ANKRD12: variants seen among roughly 807,000 people sequenced by gnomAD.
The protein encoded by ANKRD12 is ankyrin repeat domain 12.
A neutral mutation model predicts 183.4 loss-of-function variants in ANKRD12; 85 were observed. The ratio of observed to expected loss-of-function variants is 0.46; its 90% confidence interval spans 0.39 to 0.56. ANKRD12 has a LOEUF of 0.56. Among genes scored for constraint, ANKRD12 ranks in the 20% least tolerant of loss-of-function variants. The pLI, the probability that ANKRD12 is intolerant of heterozygous loss-of-function variation, is 0.00. For missense variants in ANKRD12, 2,405 were observed against 2,357.1 expected (o/e 1.02, Z -0.42); for synonymous variants, 914 against 800.2 (o/e 1.14, Z -2.40).
intron 6 of ANKRD12, among the ~76,000 whole-genome samples, chr18:9,213,440 G>A (rs2035917042): frequency 6.6e-6 from 1 of 151,888 alleles, no homozygotes; most frequent in South Asian, 2.1e-4. Context: ...TTAGTTGTAA[G>A]GATACTTGTT....
chr18:9,242,940 T>C (rs933072746), intron 8 of ANKRD12, among the ~76,000 whole-genome samples: 1 of 152,206 alleles, frequency 6.6e-6, no homozygotes, highest in African/African-American at 2.4e-5. Flanking sequence ...ATGACTTCTT[T>C]TGTAAAGTAG....
At position 9,258,427 on chromosome 18, in the gene ANKRD12, A is replaced by C; in HGVS notation, c.5160A>C (p.Glu1720Asp). Reference sequence around the variant, plus strand: ...AGTTAGTTAAAGTAGAATTAGAAGAAAATGCCGAAGATGATAAAACTGAAA... The same window carrying C: ...AGTTAGTTAAAGTAGAATTAGAAGACAATGCCGAAGATGATAAAACTGAAA... Reference protein sequence around the residue: ...YGQLVKVELEENAEDDKTENQ... With the variant: ...YGQLVKVELEDNAEDDKTENQ... The change falls in exon 9 of 13, where the codon GAA becomes GAC. Residue 1720 changes from glutamate (E) to aspartate (D), a missense_variant. By Grantham distance (45) the Glu-to-Asp change is conservative (BLOSUM62 2). Coordinates refer to ENST00000262126, the MANE Select transcript of ANKRD12 (RefSeq NM_015208.5). 6.2e-7 allele frequency: 1 copy of C among 1,613,848 alleles called. No homozygotes were observed. Among genetic ancestry groups the C allele is most frequent in the Non-Finnish European group, 8.5e-7 (1 of 1,179,934 alleles).
chr18:9,238,903 C>T (rs1349354437), intron 8 of ANKRD12, among the ~76,000 whole-genome samples: 3 of 152,188 alleles, frequency 2.0e-5, no homozygotes, highest in Non-Finnish European at 4.4e-5. Flanking sequence ...GGGTGAATCA[C>T]CTGAGTCCAG....
Position 9,143,304 on chromosome 18 carries a change from C to T in ANKRD12, c.-52+6339C>T, listed in dbSNP as rs78970064. Among the ~76,000 whole-genome samples, 206 of 152,246 alleles carry T rather than the reference C, an allele frequency of 1.4e-3. 1 individual carries two copies. The highest frequency in any genetic ancestry group is 4.8e-3 in the African/African-American group (200 of 41,526). On this transcript the variant is annotated intron_variant, in intron 1 of 12. Coordinates refer to ENST00000262126, the MANE Select transcript of ANKRD12 (RefSeq NM_015208.5). ...TTTATAAGTTATAAAAATGTTAAGT[C>T]TGTTACTTTGAGAAATTTTTTCTTG...
intron 8 of ANKRD12, among the ~76,000 whole-genome samples, chr18:9,244,913 G>T (rs1380255659): frequency 1.3e-5 from 2 of 151,986 alleles, no homozygotes; most frequent in Non-Finnish European, 2.9e-5. Flanking sequence ...GTTTCTCCTG[G>T]GTGGTGGGAT....
chr18:9,187,776 C>G (rs986395501), intron 2 of ANKRD12, among the ~76,000 whole-genome samples: 1 of 152,130 alleles, frequency 6.6e-6, no homozygotes, highest in African/African-American at 2.4e-5. Context: ...CTTTTATAAA[C>G]TCTGTTAAGA....
At position 9,255,994 on chromosome 18, in the gene ANKRD12, G is replaced by A; in HGVS notation, c.2727G>A (p.Arg909=). ...DREKSREKMD[R]KHDKEKPEKE... ...AGAAAAGTAGAGAAAAGATGGATAG[G>A]AAACATGACAAAGAAAAGCCTGAAA... Residue 909 remains arginine (R), a synonymous_variant, in exon 9 of 13, where the codon AGG becomes AGA. Transcript: ENST00000262126. 1.3e-6 allele frequency: 2 copies of A among 1,559,924 alleles called. No homozygotes were observed. The highest frequency in any genetic ancestry group is 1.7e-6 in the Non-Finnish European group (2 of 1,162,186).
intron 8 of ANKRD12, among the ~76,000 whole-genome samples, chr18:9,226,700 A>G (rs1278466505): frequency 1.3e-5 from 2 of 151,076 alleles, no homozygotes; most frequent in African/African-American, 4.9e-5. Context: ...TGTGAACTCC[A>G]TTTACATCAT....
chr18:9,249,381 AAAT>A (rs989661975), intron 8 of ANKRD12, among the ~76,000 whole-genome samples: 11 of 152,202 alleles, frequency 7.2e-5, no homozygotes, highest in African/African-American at 2.7e-4. Context: ...ACAGAAAGCT[AAAT>A]AATGTGTGTG....
chr18:9,151,145 A>G (rs2078672369), intron 1 of ANKRD12, among the ~76,000 whole-genome samples: 3 of 152,206 alleles, frequency 2.0e-5, no homozygotes, highest in Non-Finnish European at 4.4e-5. Flanking sequence ...TGGCTTAAAT[A>G]GCTAAGGCAG....
intron 6 of ANKRD12, 132 bp downstream of exon 6, chr18:9,211,916 CT>C: frequency 1.3e-6 from 1 of 771,764 alleles, no homozygotes; most frequent in South Asian, 2.0e-5. Flanking sequence ...TATTACAAAA[CT>C]TTTGGAGTTC....
intron 1 of ANKRD12, among the ~76,000 whole-genome samples, chr18:9,178,484 C>T (rs182194077): frequency 2.0e-5 from 2 of 98,940 alleles, no homozygotes; most frequent in East Asian, 2.8e-4. Flanking sequence ...CTGGACTTTC[C>T]GTTCTGTTCC....
intron 1 of ANKRD12, among the ~76,000 whole-genome samples, chr18:9,143,457 C>T (rs2078388593): frequency 6.6e-6 from 1 of 151,930 alleles, no homozygotes; most frequent in Non-Finnish European, 1.5e-5. Flanking sequence ...GAAGAGCATT[C>T]TTTTTGTTTT....
intron 1 of ANKRD12, among the ~76,000 whole-genome samples, chr18:9,152,624 ATT>A (rs1214279108): frequency 2.0e-5 from 3 of 151,886 alleles, no homozygotes; most frequent in African/African-American, 7.3e-5. Flanking sequence ...ATATATATAT[ATT>A]GGAAGTTATC....
intron 2 of ANKRD12, among the ~76,000 whole-genome samples, chr18:9,193,533 T>C (rs1485651426): frequency 6.6e-6 from 1 of 152,116 alleles, no homozygotes; most frequent in Non-Finnish European, 1.5e-5. Flanking sequence ...TGTTTGGTTG[T>C]TTTTATCTTT....
At chr18:9,137,953 T>C (rs2078178059) in intron 1 of ANKRD12, 1 of 152,224 alleles carries the variant, frequency 6.6e-6, no homozygotes, top group African/African-American at 2.4e-5. Flanking sequence ...GTTGCACTCG[T>C]TGAAACCTTA....
chr18:9,236,549 T>G (rs1167343483), intron 8 of ANKRD12, among the ~76,000 whole-genome samples: 2 of 151,964 alleles, frequency 1.3e-5, no homozygotes, highest in Non-Finnish European at 2.9e-5. Flanking sequence ...ATTATTAGAC[T>G]GGAAAAATAA....
intron 3 of ANKRD12, among the ~76,000 whole-genome samples, chr18:9,203,041 A>C (rs1316943290): frequency 6.6e-6 from 1 of 152,222 alleles, no homozygotes; most frequent in Non-Finnish European, 1.5e-5. Context: ...GGCACAATTT[A>C]ATGTTTGCTG....
chr18:9,222,146 T>C (rs2036455681), intron 8 of ANKRD12, 147 bp downstream of exon 8: 3 of 986,714 alleles, frequency 3.0e-6, no homozygotes, highest in African/African-American at 1.6e-5. Context: ...TAGCTAAGAA[T>C]GATGAAGTTA....
Sources: gnomAD v4.1 joint callset for allele counts (sites outside exome capture counted in the v4.1 genomes callset) on GRCh38, gnomAD v4.1.1 for gene constraint, MANE v1.5 for transcripts, NCBI Gene and HGNC (gene_info 2026-07-23, HGNC 2026-07-21) for gene names.